DLGAP1: variants seen among roughly 807,000 people sequenced by gnomAD.
The protein encoded by DLGAP1 is DLG associated protein 1.
Under a neutral mutation model 90.8 loss-of-function variants are expected in DLGAP1, and 11 were observed. The observed-to-expected ratio is 0.12, with a 90% CI of 0.08 to 0.20. DLGAP1 has a LOEUF of 0.20. Among genes scored for constraint, DLGAP1 ranks in the 10% least tolerant of loss-of-function variants. The pLI, the probability that DLGAP1 is intolerant of heterozygous loss-of-function variation, is 1.00. For synonymous variants in DLGAP1, 558 were observed against 540.7 expected (o/e 1.03, Z -0.44); for missense variants, 1,050 against 1,333.8 (o/e 0.79, Z 3.31).
At chr18:3,754,444 A>G (rs1256961659) in intron 5 of DLGAP1, among the ~76,000 whole-genome samples, 1 of 152,192 alleles carries the variant, frequency 6.6e-6, no homozygotes, top group Non-Finnish European at 1.5e-5. Flanking sequence ...GAAGATTTGC[A>G]ACAATTTGAA....
intron 7 of DLGAP1, among the ~76,000 whole-genome samples, chr18:3,621,315 A>C (rs1016053858): frequency 4.7e-4 from 72 of 152,292 alleles, no homozygotes; most frequent in African/African-American, 1.5e-3. Context: ...CCTAAGGTTC[A>C]TCAAAGCTGA....
intron 7 of DLGAP1, among the ~76,000 whole-genome samples, chr18:3,627,146 C>G (rs906700968): frequency 6.6e-6 from 1 of 152,016 alleles, no homozygotes; most frequent in Non-Finnish European, 1.5e-5. Flanking sequence ...CACTATGTTG[C>G]CCAGGCTGGT....
chr18:4,240,181 A>C (rs2078501903), intron 1 of DLGAP1, among the ~76,000 whole-genome samples: 1 of 152,182 alleles, frequency 6.6e-6, no homozygotes, highest in African/African-American at 2.4e-5. Flanking sequence ...TACTGTTTAC[A>C]TAGTTTCCAC....
chr18:4,154,226 ATTTT>A (rs555943126), intron 1 of DLGAP1, among the ~76,000 whole-genome samples: 1 of 130,430 alleles, frequency 7.7e-6, no homozygotes, highest in Non-Finnish European at 1.7e-5. Context: ...ACACCCGGCT[ATTTT>A]TTTTTTTTTT....
At chr18:4,104,942 AACAG>A (rs1490980446) in intron 2 of DLGAP1, among the ~76,000 whole-genome samples, 1 of 152,162 alleles carries the variant, frequency 6.6e-6, no homozygotes, top group Non-Finnish European at 1.5e-5. Context: ...GCAACCATCA[AACAG>A]ACAATGGAAA....
intron 3 of DLGAP1, among the ~76,000 whole-genome samples, chr18:3,992,541 G>T (rs2073990138): frequency 1.3e-5 from 2 of 152,102 alleles, no homozygotes; most frequent in Admixed American, 1.3e-4. Context: ...AGCCAGGTGT[G>T]GTGGTGCACA....
intron 7 of DLGAP1, among the ~76,000 whole-genome samples, chr18:3,651,624 C>T (rs1481934023): frequency 6.6e-6 from 1 of 152,060 alleles, no homozygotes; most frequent in African/African-American, 2.4e-5. Flanking sequence ...GAACCCCCGT[C>T]TCCACTAAAA....
chr18:4,359,968 A>G (rs528564516), intron 1 of DLGAP1, among the ~76,000 whole-genome samples: 1 of 152,370 alleles, frequency 6.6e-6, no homozygotes, highest in Admixed American at 6.5e-5. Flanking sequence ...TTAGTATCAA[A>G]TATGACTTCT....
intron 1 of DLGAP1, among the ~76,000 whole-genome samples, chr18:4,353,170 C>T (rs1219252019): frequency 6.6e-6 from 1 of 152,184 alleles, no homozygotes; most frequent in Non-Finnish European, 1.5e-5. Flanking sequence ...TTCAACTGTT[C>T]ACTCTGCCTT....
chr18:4,271,331 A>G (rs2079275878), intron 1 of DLGAP1, among the ~76,000 whole-genome samples: 1 of 152,200 alleles, frequency 6.6e-6, no homozygotes, highest in South Asian at 2.1e-4. Flanking sequence ...CAAATACTTT[A>G]CCATGTTGTT....
At chr18:4,384,955 C>G (rs995976862) in intron 1 of DLGAP1, among the ~76,000 whole-genome samples, 1 of 152,096 alleles carries the variant, frequency 6.6e-6, no homozygotes, top group Non-Finnish European at 1.5e-5. Flanking sequence ...TCTCCACTCC[C>G]TTTATCTTCT....
intron 3 of DLGAP1, among the ~76,000 whole-genome samples, chr18:3,898,005 A>C (rs563516520): frequency 6.6e-6 from 1 of 152,062 alleles, no homozygotes; most frequent in South Asian, 2.1e-4. Context: ...CTTGTTAGCC[A>C]GGATGGTCTC....
intron 5 of DLGAP1, among the ~76,000 whole-genome samples, chr18:3,744,213 G>A (rs1167469501): frequency 6.6e-6 from 1 of 152,094 alleles, no homozygotes; most frequent in Non-Finnish European, 1.5e-5. Context: ...TATCTGTAAA[G>A]TAAGAGAAAA....
chr18:4,134,208 G>A (rs9957929), intron 2 of DLGAP1, among the ~76,000 whole-genome samples: 8 of 151,810 alleles, frequency 5.3e-5, no homozygotes, highest in East Asian at 1.9e-4. Context: ...AGAAACACCC[G>A]TGTTCTCCTG....
intron 1 of DLGAP1, among the ~76,000 whole-genome samples, chr18:4,362,887 G>A (rs2081660202): frequency 6.6e-6 from 1 of 152,044 alleles, no homozygotes; most frequent in Non-Finnish European, 1.5e-5. Context: ...AAGAACAGCA[G>A]GAGTCTCTGA....
Position 3,729,122 on chromosome 18 carries a change from C to A in DLGAP1, c.1591+13G>T. Reference sequence around the variant, plus strand: ...GCACAGGGGCCAGGCTGGCTGAGGGCCCGCGCACTCACCCGTGCTGCTCTG... The same window carrying A: ...GCACAGGGGCCAGGCTGGCTGAGGGACCGCGCACTCACCCGTGCTGCTCTG... On this transcript the variant is annotated intron_variant, in intron 7 of 12. Transcript: ENST00000315677. The surrounding 1 kb of genome is among the most constrained non-coding windows in gnomAD (Gnocchi z 6.2). The A allele has an allele frequency of 6.3e-7, 1 of 1,594,768 alleles. No homozygotes were observed. The highest frequency in any genetic ancestry group is 8.5e-7 in the Non-Finnish European group (1 of 1,169,724).
intron 4 of DLGAP1, among the ~76,000 whole-genome samples, chr18:3,819,331 A>G (rs2067274559): frequency 6.6e-6 from 1 of 152,002 alleles, no homozygotes; most frequent in African/African-American, 2.4e-5. Flanking sequence ...TTGTGTCACT[A>G]AGAAAGAAAT....
At chr18:3,675,991 G>A (rs116319531) in intron 7 of DLGAP1, among the ~76,000 whole-genome samples, 295 of 152,338 alleles carry the variant, frequency 1.9e-3, no homozygotes, top group African/African-American at 6.8e-3. Flanking sequence ...CCTTGGTAAT[G>A]TTTTCCTTTG....
Position 3,664,218 on chromosome 18 carries a change from CCA to C in DLGAP1, c.1591+64915_1591+64916del, listed in dbSNP as rs759262912. On this transcript the variant is annotated intron_variant, in intron 7 of 12. Coordinates refer to ENST00000315677, the MANE Select transcript of DLGAP1 (RefSeq NM_004746.4). ...CACACACACACACACACACACACAC[CCA>C]CACACACACACACACACGGATATAC... 3.3e-3 allele frequency among the ~76,000 whole-genome samples: 248 copies of C among 75,762 alleles called. 5 individuals carry two copies. The East Asian group carries it at 0.053, about 16-fold the overall frequency. 49.7% of individuals were successfully genotyped at this position (75,762 alleles called of 152,430 possible). A position where few individuals can be genotyped will look rare whatever the true frequency, so the allele number is the denominator to read the frequency against.
Sources: allele counts gnomAD v4.1 joint callset (sites outside exome capture counted in the v4.1 genomes callset), GRCh38; gene constraint gnomAD v4.1.1; non-coding constraint Gnocchi (gnomAD v3.1); transcripts MANE v1.5; gene names NCBI Gene and HGNC (gene_info 2026-07-23, HGNC 2026-07-21).